ANXA8: variants seen among roughly 807,000 people sequenced by gnomAD.
ANXA8 encodes annexin A8.
In ANXA8, 9 loss-of-function variants were observed where a neutral mutation model predicts 26.8. The ratio of observed to expected loss-of-function variants is 0.34; its 90% CI spans 0.20 to 0.59. The LOEUF is 0.59. ANXA8 is among the 20% of genes least tolerant of loss of function. The pLI is 0.84. For synonymous variants in ANXA8, 39 were observed against 94.8 expected (o/e 0.41, Z 3.42); for missense variants, 83 against 238.5 (o/e 0.35, Z 4.29).
At chr10:47,739,961 G>A in the ANXA8 span, among the ~76,000 whole-genome samples, 1 of 64,444 alleles carries the variant, frequency 1.6e-5, no homozygotes, top group African/African-American at 5.1e-5. Flanking sequence ...AAAAAAATTA[G>A]CCAGGCATGG....
the ANXA8 span, among the ~76,000 whole-genome samples, chr10:47,546,283 A>G: frequency 8.8e-5 from 12 of 136,092 alleles, 1 homozygote; most frequent in South Asian, 2.6e-3. Flanking sequence ...GTTAATTTGT[A>G]TAACTCAATT....
At chr10:47,497,412 T>C in the ANXA8 span, among the ~76,000 whole-genome samples, 13,433 of 125,450 alleles carry the variant, frequency 0.11, 812 homozygotes, top group East Asian at 0.36. Context: ...GGTCAGGAGT[T>C]GGAGACCAGC....
At chr10:47,894,744 C>T in the ANXA8 span, among the ~76,000 whole-genome samples, 3 of 152,260 alleles carry the variant, frequency 2.0e-5, no homozygotes, top group African/African-American at 4.8e-5. Flanking sequence ...CCACACAATA[C>T]AGCACAAACA....
the ANXA8 span, among the ~76,000 whole-genome samples, chr10:47,748,088 G>A: frequency 6.6e-6 from 1 of 152,140 alleles, no homozygotes; most frequent in Non-Finnish European, 1.5e-5. Context: ...AAGGGAGGAA[G>A]ATGGGGCAGA....
At chr10:47,672,531 TATC>T in the ANXA8 span, among the ~76,000 whole-genome samples, 9 of 151,614 alleles carry the variant, frequency 5.9e-5, no homozygotes, top group Non-Finnish European at 8.8e-5. Flanking sequence ...ATTTGCTCCC[TATC>T]ATTGTTTTAT....
At chr10:47,494,913 C>T in the ANXA8 span, among the ~76,000 whole-genome samples, 3 of 152,130 alleles carry the variant, frequency 2.0e-5, no homozygotes. Context: ...GCTGTTATCT[C>T]CCTGGGTCTA....
the ANXA8 span, among the ~76,000 whole-genome samples, chr10:47,533,218 C>CACATAT: frequency 8.9e-6 from 1 of 112,248 alleles, no homozygotes; most frequent in Admixed American, 8.9e-5. Context: ...CACACACACA[C>CACATAT]ACACACCCCC....
chr10:47,652,980 A>G, the ANXA8 span, among the ~76,000 whole-genome samples: 1 of 151,214 alleles, frequency 6.6e-6, no homozygotes, highest in African/African-American at 2.5e-5. Context: ...TGGAGACTGG[A>G]TTGGTAGGGA....
chr10:47,510,082 C>G, the ANXA8 span: 112 of 1,474,378 alleles, frequency 7.6e-5, 15 homozygotes, highest in Admixed American at 1.1e-4. Context: ...ACTCCAATTT[C>G]TTAAGCTGAT....
At chr10:47,675,344 C>A in the ANXA8 span, among the ~76,000 whole-genome samples, 6 of 150,708 alleles carry the variant, frequency 4.0e-5, no homozygotes, top group African/African-American at 1.5e-4. Flanking sequence ...AGAAATCTGT[C>A]TCCTACCATC....
the ANXA8 span, among the ~76,000 whole-genome samples, chr10:47,566,429 A>G: frequency 6.7e-6 from 1 of 149,840 alleles, no homozygotes; most frequent in Non-Finnish European, 1.5e-5. Context: ...AGCCGCAGAA[A>G]CCCCCTTCTT....
the ANXA8 span, among the ~76,000 whole-genome samples, chr10:47,916,603 T>C: frequency 0.019 from 2,138 of 110,692 alleles, 29 homozygotes; most frequent in East Asian, 0.042. Flanking sequence ...GGGATGATCA[T>C]ACCACACCAG....
chr10:47,975,267 A>C, the ANXA8 span, among the ~76,000 whole-genome samples: 1 of 149,592 alleles, frequency 6.7e-6, no homozygotes, highest in African/African-American at 2.4e-5. Flanking sequence ...CTGGGCTTAG[A>C]GCGAAAGAAT....
chr10:47,502,767 G>A, the ANXA8 span: 47 of 1,577,290 alleles, frequency 3.0e-5, 1 homozygote, highest in Middle Eastern at 1.9e-4. Flanking sequence ...GCTGGGACTT[G>A]CTTTTACTGC....
chr10:47,610,665 AG>A, the ANXA8 span, among the ~76,000 whole-genome samples: 6 of 149,434 alleles, frequency 4.0e-5, no homozygotes, highest in Middle Eastern at 3.2e-3. Context: ...TTGCAGACAA[AG>A]TTGACTATAC....
the ANXA8 span, among the ~76,000 whole-genome samples, chr10:47,596,715 T>C: frequency 6.9e-6 from 1 of 145,700 alleles, no homozygotes; most frequent in Non-Finnish European, 1.5e-5. Flanking sequence ...TTCCCAAGAT[T>C]GAACCAGGAA....
At chr10:47,557,088 CCT>C in the ANXA8 span, among the ~76,000 whole-genome samples, 1 of 126,548 alleles carries the variant, frequency 7.9e-6, no homozygotes, top group Non-Finnish European at 1.6e-5. Flanking sequence ...CTCATTGCAA[CCT>C]CTGTCTCCTG....
At chr10:47,733,211 TTCTTTCTTTCTCTTTCTTTC>T in the ANXA8 span, among the ~76,000 whole-genome samples, 452 of 82,286 alleles carry the variant, frequency 5.5e-3, 15 homozygotes, top group Admixed American at 0.023. Context: ...CTTTCTTTCT[TTCTTTCTTTCTCTTTCTTTC>T]TCTCTTTCTT....
the ANXA8 span, among the ~76,000 whole-genome samples, chr10:47,940,809 C>T: frequency 1.5e-5 from 2 of 136,142 alleles, no homozygotes; most frequent in Non-Finnish European, 3.0e-5. Context: ...GCTTAGGCGA[C>T]AGAGTGAGAT....
Sources: allele counts gnomAD v4.1 joint callset (sites outside exome capture counted in the v4.1 genomes callset), GRCh38; gene constraint gnomAD v4.1.1; transcripts MANE v1.5; gene names NCBI Gene and HGNC (gene_info 2026-07-23, HGNC 2026-07-21).